TTC6: variants seen among roughly 807,000 people sequenced by gnomAD.
TTC6 encodes tetratricopeptide repeat domain 6.
Under a neutral mutation model 210.4 loss-of-function variants are expected in TTC6, and 172 were observed. That is an observed-to-expected ratio of 0.82 (90% CI 0.72 to 0.93). The LOEUF is 0.93. TTC6 is among the 40% of genes least tolerant of loss of function. The probability of loss-of-function intolerance (pLI) is 0.00; values close to 1 mark genes in which losing one functional copy is unlikely to be tolerated. For synonymous variants in TTC6, 804 were observed against 819.6 expected, an observed-to-expected ratio of 0.98 and a Z score of 0.32; for missense variants, 2,414 against 2,318.1, an observed-to-expected ratio of 1.04 and a Z score of -0.85.
At chr14:37,837,362 C>T (rs1380230898) in intron 29 of TTC6, 4 of 453,852 alleles carry the variant, frequency 8.8e-6, no homozygotes, top group South Asian at 6.2e-5. Context: ...TCCCTTGACT[C>T]ATTTCTGAGA....
At chr14:37,714,550 C>A in intron 5 of TTC6, 105 bp from the exon 8 acceptor site, 2 of 859,886 alleles carry the variant, frequency 2.3e-6, no homozygotes, top group Non-Finnish European at 3.4e-6. Flanking sequence ...GTGCAGATGT[C>A]AAATGTCCAT....
chr14:37,723,256 C>T (rs1209283688), intron 6 of TTC6, among the ~76,000 whole-genome samples: 1 of 151,962 alleles, frequency 6.6e-6, no homozygotes, highest in African/African-American at 2.4e-5. Context: ...AACAAGGAGC[C>T]CTGGGTCTCT....
chr14:37,609,958 T>C (rs930146831), intron 2 of TTC6, among the ~76,000 whole-genome samples: 1 of 152,220 alleles, frequency 6.6e-6, no homozygotes, highest in Non-Finnish European at 1.5e-5. Context: ...TTGGCAGATC[T>C]TTTTCTGCAG....
At chr14:37,794,853 C>T (rs949152481) in intron 17 of TTC6, among the ~76,000 whole-genome samples, 3 of 151,820 alleles carry the variant, frequency 2.0e-5, no homozygotes, top group Admixed American at 6.6e-5. Context: ...CCTCCCAAAG[C>T]GCTCGAATTA....
chr14:37,709,918 C>A (rs2095841988), intron 5 of TTC6, among the ~76,000 whole-genome samples: 1 of 152,112 alleles, frequency 6.6e-6, no homozygotes, highest in African/African-American at 2.4e-5. Flanking sequence ...TTGGCATCTG[C>A]TTTTTAAACA....
At chr14:37,610,923 C>T (rs1402727456) in intron 2 of TTC6, among the ~76,000 whole-genome samples, 3 of 152,184 alleles carry the variant, frequency 2.0e-5, no homozygotes, top group South Asian at 2.1e-4. Flanking sequence ...TTTTAAGTCT[C>T]GGGGTCCAGC....
intron 10 of TTC6, among the ~76,000 whole-genome samples, chr14:37,741,325 G>A (rs942465332): frequency 1.8e-4 from 22 of 123,196 alleles, no homozygotes; most frequent in East Asian, 1.1e-3. Context: ...ACAGAGTCTC[G>A]CTGTTGCCCA....
chr14:37,688,767 C>T (rs1364880397), intron 3 of TTC6, among the ~76,000 whole-genome samples: 1 of 152,152 alleles, frequency 6.6e-6, no homozygotes, highest in Non-Finnish European at 1.5e-5. Flanking sequence ...GGGTCCCCCG[C>T]CCTAAAGCAG....
intron 14 of TTC6, among the ~76,000 whole-genome samples, chr14:37,762,665 T>C (rs1269370451): frequency 1.3e-5 from 2 of 152,214 alleles, no homozygotes; most frequent in African/African-American, 4.8e-5. Context: ...TCTCCCATTC[T>C]GAAGGTTGCT....
exon 5 of TTC6, chr14:37,701,515 A>G (rs1218406187): frequency 1.4e-6 from 2 of 1,469,834 alleles, no homozygotes; most frequent in Admixed American, 5.3e-5. Flanking sequence ...CAGATGAAGA[A>G]CAAACAGATA....
At chr14:37,737,873 T>A (rs1376709666) in intron 9 of TTC6, 139 bp downstream of exon 11, 3 of 478,932 alleles carry the variant, frequency 6.3e-6, no homozygotes, top group Non-Finnish European at 1.1e-5. Context: ...TTTATATAGT[T>A]TCTTGAGATG....
intron 14 of TTC6, among the ~76,000 whole-genome samples, chr14:37,782,586 G>A (rs1392547155): frequency 2.0e-5 from 3 of 152,062 alleles, no homozygotes; most frequent in Non-Finnish European, 4.4e-5. Context: ...GGGACAATTT[G>A]ACTTCCTCTT....
At chr14:37,739,187 G>A in intron 10 of TTC6, 32 bp downstream of exon 12, 1 of 1,458,080 alleles carries the variant, frequency 6.9e-7, no homozygotes, top group Non-Finnish European at 9.0e-7. Context: ...TATAGTTTAA[G>A]AAATATATTG....
intron 14 of TTC6, among the ~76,000 whole-genome samples, chr14:37,775,592 T>C (rs1277171670): frequency 6.6e-6 from 1 of 151,856 alleles, no homozygotes; most frequent in Non-Finnish European, 1.5e-5. Flanking sequence ...GGTCCAAGAG[T>C]GTGGTTGGTA....
chr14:37,651,419 ATATATATTTTTTTTTTTTTT>A lies in TTC6; in HGVS notation c.939+28418_939+28437del, dbSNP rs1418949938. Among the ~76,000 whole-genome samples the A allele has an allele frequency of 2.4e-4, 5 of 20,710 alleles. No individual in the cohort carries two copies. The East Asian group carries it at 4.4e-3, about 18-fold the overall frequency. The allele number at this position is 20,710 out of a possible 152,430, so 13.6% of individuals were successfully genotyped here. A position where few individuals can be genotyped will look rare whatever the true frequency, so the allele number is the denominator to read the frequency against. ...TATATATATATATATATATATATAT[ATATATATTTTTTTTTTTTTT>A]TTTTTTTTTTTTTTCCATCCATGAT... On this transcript the variant is annotated intron_variant, in intron 1 of 30. Coordinates refer to ENST00000553443, the Ensembl canonical transcript of TTC6.
chr14:37,687,451 C>G (rs766840517), intron 3 of TTC6, among the ~76,000 whole-genome samples: 5 of 152,050 alleles, frequency 3.3e-5, no homozygotes, highest in Non-Finnish European at 5.9e-5. Context: ...GAACTGGGCT[C>G]AGAGATAGTG....
At chr14:37,813,811 A>C (rs929758931) in intron 25 of TTC6, among the ~76,000 whole-genome samples, 4 of 152,100 alleles carry the variant, frequency 2.6e-5, no homozygotes, top group African/African-American at 9.7e-5. Context: ...CTCACACCCC[A>C]CATCTGACCC....
chr14:37,825,841 TC>T (rs1176387043), intron 27 of TTC6, among the ~76,000 whole-genome samples: 1 of 152,048 alleles, frequency 6.6e-6, no homozygotes, highest in African/African-American at 2.4e-5. Context: ...ATAAATACAA[TC>T]CCTCCTTATG....
chr14:37,630,790 A>G (rs2095667931), intron 1 of TTC6, among the ~76,000 whole-genome samples: 2 of 151,968 alleles, frequency 1.3e-5, no homozygotes, highest in African/African-American at 4.8e-5. Flanking sequence ...TATATTTAGA[A>G]TAGTTAGCTC....
Sources: gnomAD v4.1 joint callset for allele counts (sites outside exome capture counted in the v4.1 genomes callset) on GRCh38, gnomAD v4.1.1 for gene constraint, MANE v1.5 for transcripts, NCBI Gene and HGNC (gene_info 2026-07-23, HGNC 2026-07-21) for gene names.